Variants in SLC45A2 observed in about 807,000 individuals in gnomAD.
SLC45A2 encodes solute carrier family 45 member 2.
SLC45A2 carries 36 observed loss-of-function variants against 45.5 expected under a neutral mutation model. The observed-to-expected ratio is 0.79, with a 90% CI of 0.61 to 1.04. SLC45A2 has a LOEUF of 1.04. SLC45A2 is among the 50% of genes least tolerant of loss of function. The pLI is 0.00. For missense variants in SLC45A2, 719 were observed against 671.0 expected (o/e 1.07, Z -0.79); for synonymous variants, 306 against 269.3 (o/e 1.14, Z -1.33).
rs146802593 is a variant in SLC45A2 at position 33,963,973 on chromosome 5, C to G, written c.606G>C (p.Trp202Cys). ...ACAGTCTTCCCAGCTCCAGATGGGC[C>G]CAGTCTATAGCACCCAAAAGGTAAC... ...ALGYLLGAIDWAHLELGRLLG... is the reference protein window; with the variant it reads ...ALGYLLGAIDCAHLELGRLLG... The change falls in exon 3 of 7, where the codon TGG becomes TGC. Residue 202 changes from tryptophan (W) to cysteine (C), a missense_variant. By Grantham distance (215) the Trp-to-Cys change is radical. Coordinates refer to ENST00000296589, the MANE Select transcript of SLC45A2 (RefSeq NM_016180.5). The G allele has an allele frequency of 1.8e-4, 298 of 1,613,906 alleles. No homozygotes were observed. Among genetic ancestry groups the G allele is most frequent in the Non-Finnish European group, 1.6e-4 (187 of 1,179,932 alleles).
intron 3 of SLC45A2, among the ~76,000 whole-genome samples, chr5:33,955,987 G>A (rs1274649897): frequency 1.3e-5 from 2 of 152,006 alleles, no homozygotes; most frequent in African/African-American, 4.8e-5. Context: ...GTTTACAAAT[G>A]GATAACTCAT....
intron 3 of SLC45A2, among the ~76,000 whole-genome samples, chr5:33,957,975 CT>C (rs1403294276): frequency 1.3e-5 from 2 of 152,168 alleles, no homozygotes; most frequent in East Asian, 3.8e-4. Flanking sequence ...AAAAACCCAG[CT>C]GGGATATTAT....
At chr5:33,969,062 T>TCTCTCTCTCTCTCTCTCTCC (rs1157562781) in intron 2 of SLC45A2, among the ~76,000 whole-genome samples, 5 of 111,062 alleles carry the variant, frequency 4.5e-5, no homozygotes, top group African/African-American at 1.7e-4. Flanking sequence ...TCTCTCTCTC[T>TCTCTCTCTCTCTCTCTCTCC]CTCTGTGTGT....
chr5:33,945,954 T>C (rs1477324125), intron 6 of SLC45A2: 11 of 984,976 alleles, frequency 1.1e-5, no homozygotes, highest in South Asian at 4.7e-5. Context: ...TGGAGGGAGA[T>C]AGTAAATGGT....
In SLC45A2 at chr5:33,947,353, G is replaced by A; in HGVS notation, c.1178C>T (p.Ser393Phe). Reference protein sequence around the residue: ...LYSYFQKVLVSYIGLKGLYFT... With the variant: ...LYSYFQKVLVFYIGLKGLYFT... The stretch of plus-strand genomic sequence containing the variant: ...GTAAAGACCCTTTAATCCAATGTAG[G>A]ATACCAAAACTTTCTGAAAGTCTGT... Residue 393 changes from serine to phenylalanine, a missense_variant, in exon 6 of 7, where the codon TCC becomes TTC. Coordinates refer to ENST00000296589, the MANE Select transcript of SLC45A2 (RefSeq NM_016180.5). The A allele has an allele frequency of 6.2e-7, 1 of 1,614,152 alleles. No individual in the cohort carries two copies. The highest frequency in any genetic ancestry group is 8.5e-7 in the Non-Finnish European group (1 of 1,180,022).
At chr5:33,966,631 G>A (rs940740107) in intron 2 of SLC45A2, among the ~76,000 whole-genome samples, 9 of 152,008 alleles carry the variant, frequency 5.9e-5, no homozygotes, top group African/African-American at 1.9e-4. Flanking sequence ...TAAATGATAA[G>A]CTAGAACTCA....
intron 2 of SLC45A2, among the ~76,000 whole-genome samples, chr5:33,976,147 C>T (rs1238849218): frequency 6.6e-6 from 1 of 152,174 alleles, no homozygotes; most frequent in African/African-American, 2.4e-5. Flanking sequence ...CAAACAACCC[C>T]TTCCTAATCA....
rs200122644 is a variant in SLC45A2, at chr5:33,954,436, G to A, written c.957C>T (p.Tyr319=). The A allele has an allele frequency of 6.8e-6, 11 of 1,613,990 alleles. No individual in the cohort carries two copies. In the Admixed American group the frequency reaches 1.3e-4, roughly 20 times the overall value. Residue 319 remains tyrosine (Y), a synonymous_variant, in exon 4 of 7, where the codon TAC becomes TAT. Coordinates refer to ENST00000296589, the MANE Select transcript of SLC45A2 (RefSeq NM_016180.5). ...ATCCAATGAGGTGGCTGATGCAAAGGTAGCGGTAGTGAGGAGGCATGTTCA... is the reference window on the plus strand; with the variant it reads ...ATCCAATGAGGTGGCTGATGCAAAGATAGCGGTAGTGAGGAGGCATGTTCA... The part of the protein sequence containing the change: ...ALVNMPPHYR[Y]LCISHLIGWT...
rs370204699 is a variant in SLC45A2 at position 33,971,174 on chromosome 5, T to G, written c.563-7158A>C. 1.1e-5 allele frequency: 6 copies of G among 531,120 alleles called. No homozygotes were observed. The African/African-American group carries it at 1.2e-4, about 10-fold the overall frequency. 32.9% of individuals were successfully genotyped at this position (531,120 alleles called of 1,614,324 possible). ...AGAGTTGCTTTGGATAGGGCTACAC[T>G]AACTATCATGAGATATTTACCAAGA... On this transcript the variant is annotated intron_variant, in intron 2 of 6. Transcript: ENST00000296589.
At chr5:33,955,088 G>A (rs1161177559) in intron 3 of SLC45A2, among the ~76,000 whole-genome samples, 1 of 152,190 alleles carries the variant, frequency 6.6e-6, no homozygotes, top group Non-Finnish European at 1.5e-5. Context: ...GAAAAGTACA[G>A]AATTTTCTCC....
intron 3 of SLC45A2, among the ~76,000 whole-genome samples, chr5:33,957,598 A>T (rs1752313918): frequency 6.6e-6 from 1 of 152,188 alleles, no homozygotes; most frequent in Non-Finnish European, 1.5e-5. Flanking sequence ...AAAATAAATG[A>T]TTATAACCAA....
At chr5:33,976,389 T>C (rs1752930025) in intron 2 of SLC45A2, among the ~76,000 whole-genome samples, 1 of 152,232 alleles carries the variant, frequency 6.6e-6, no homozygotes, top group Admixed American at 6.5e-5. Flanking sequence ...GTGTAATGAG[T>C]ATGATTAGAA....
In SLC45A2 at chr5:33,951,672, C is replaced by A. The variant is rs1256000263; in HGVS notation, c.1038G>T (p.Val346=). The A allele has an allele frequency of 6.2e-7, 1 of 1,614,040 alleles. No homozygotes were observed. The highest frequency in any genetic ancestry group is 2.2e-5 in the East Asian group (1 of 44,884). The change falls in exon 5 of 7, where the codon GTG becomes GTT. Residue 346 remains valine (V), a synonymous_variant. Transcript: ENST00000296589. ...LFFTDFMGQI[V]YRGDPYSAHN... ...GTGCACTATAGGGATCCCCGCGGTA[C>A]ACAATCTGAAAGAGAGATTGGAGGC...
At position 33,984,459 on chromosome 5, in the gene SLC45A2, A is replaced by G. The variant is rs755922327; in HGVS notation, c.125T>C (p.Met42Thr). The part of the protein sequence containing the change: ...TSRLIMHSMA[M>T]FGREFCYAVE... ...CGCGTAGCAGAACTCTCTTCCGAAC[A>G]TGGCCATGCTGTGCATGATGAGTCT... The change falls in exon 1 of 7, where the codon ATG (methionine) becomes ACG (threonine). Residue 42 changes from methionine (M) to threonine (T), a missense_variant. By Grantham distance (81) the Met-to-Thr change is moderately conservative. Transcript: ENST00000296589. The G allele has an allele frequency of 4.0e-5, 64 of 1,613,738 alleles. No homozygotes were observed. Among genetic ancestry groups the G allele is most frequent in the Non-Finnish European group, 4.9e-5 (58 of 1,180,018 alleles).
chr5:33,950,060 A>C (rs879720222), intron 5 of SLC45A2, among the ~76,000 whole-genome samples: 4 of 152,090 alleles, frequency 2.6e-5, no homozygotes, highest in Non-Finnish European at 5.9e-5. Context: ...AGCCAGGCAC[A>C]GTGGCATGTG....
At position 33,945,924 on chromosome 5, in the gene SLC45A2, G is replaced by C. The variant is rs1223471202; in HGVS notation, c.1369-1052C>G. ...GGAAAGATTAACAAAAAACTAGTAA[G>C]AGTGGTAACACGTTGGGGCTGGAGG... On this transcript the variant is annotated intron_variant, in intron 6 of 6. Coordinates refer to ENST00000296589, the MANE Select transcript of SLC45A2 (RefSeq NM_016180.5). 1.4e-5 allele frequency: 14 copies of C among 969,466 alleles called. No individual in the cohort carries two copies. In the South Asian group the frequency reaches 6.2e-4, roughly 43 times the overall value. The allele number at this position is 969,466 out of a possible 1,614,324, so 60.1% of individuals were successfully genotyped here. A position where few individuals can be genotyped will look rare whatever the true frequency, so the allele number is the denominator to read the frequency against.
At chr5:33,966,983 C>T (rs1340289268) in intron 2 of SLC45A2, among the ~76,000 whole-genome samples, 1 of 152,138 alleles carries the variant, frequency 6.6e-6, no homozygotes, top group African/African-American at 2.4e-5. Flanking sequence ...GTGCTGCCTC[C>T]TCATCTGAAT....
In SLC45A2 at chr5:33,944,825, C is replaced by A; in HGVS notation, c.1416G>T (p.Lys472Asn). Reference sequence around the variant, plus strand: ...ATGTGAGGGTGGCGCAGTCCATGCCCTTCCCTCTCACGCTGTTGTCTGGGT... The same window carrying A: ...ATGTGAGGGTGGCGCAGTCCATGCCATTCCCTCTCACGCTGTTGTCTGGGT... ...GGDPDNSVRG[K>N]GMDCATLTCM... is the part of the protein sequence containing the mutation. Residue 472 changes from lysine (K) to asparagine (N), a missense_variant, in exon 7 of 7, where the codon AAG becomes AAT. Transcript: ENST00000296589. 2 of 1,614,124 alleles carry A rather than the reference C, an allele frequency of 1.2e-6. No individual in the cohort carries two copies. Among genetic ancestry groups the A allele is most frequent in the Non-Finnish European group, 8.5e-7 (1 of 1,179,996 alleles).
At chr5:33,971,535 C>A (rs1386466006) in intron 2 of SLC45A2, 2 of 254,670 alleles carry the variant, frequency 7.9e-6, no homozygotes, top group Non-Finnish European at 1.5e-5. Context: ...ATCTCCCAGG[C>A]TCAGGTGATC....
Sources: allele counts gnomAD v4.1 joint callset (sites outside exome capture counted in the v4.1 genomes callset), GRCh38; gene constraint gnomAD v4.1.1; transcripts MANE v1.5; gene names NCBI Gene and HGNC (gene_info 2026-07-23, HGNC 2026-07-21).